Variants in PPFIA3 observed in about 807,000 individuals in gnomAD.
The protein encoded by PPFIA3 is liprin-alpha-3.
PPFIA3 carries 26 observed loss-of-function variants against 145.8 expected under a neutral mutation model. The observed-to-expected ratio is 0.18, with a 90% CI of 0.13 to 0.25. PPFIA3 has a LOEUF of 0.25. PPFIA3 is among the 10% of genes least tolerant of loss of function. The pLI, the probability that PPFIA3 is intolerant of heterozygous loss-of-function variation, is 1.00. For missense variants in PPFIA3, 1,008 were observed against 1,587.8 expected, an observed-to-expected ratio of 0.63 and a Z score of 6.21; for synonymous variants, 645 against 661.4, an observed-to-expected ratio of 0.98 and a Z score of 0.38.
Position 49,136,902 on chromosome 19 carries a change from A to C in PPFIA3, c.1844A>C (p.Lys615Thr). 6.5e-7 allele frequency: 1 copy of C among 1,548,370 alleles called. No individual in the cohort carries two copies. Among genetic ancestry groups the C allele is most frequent in the Non-Finnish European group, 8.7e-7 (1 of 1,143,966 alleles). ...MLQEQLEAIN[K>T]EIKLIQEEKE... ...CAGGAGCAGCTGGAGGCCATCAACAAGGAGATCAAGTGAGCCCTGGCCCCG... is the reference window on the plus strand; with the variant it reads ...CAGGAGCAGCTGGAGGCCATCAACACGGAGATCAAGTGAGCCCTGGCCCCG... The change falls in exon 15 of 30, where the codon AAG becomes ACG. Residue 615 changes from lysine (K) to threonine (T), a missense_variant. Physicochemically the swap from Lys to Thr is moderately conservative, Grantham distance 78 (BLOSUM62 -1). This residue lies in a region of PPFIA3 where 202 missense variants were observed against 241.8 expected (regional missense o/e 0.84). Coordinates refer to ENST00000334186, the MANE Select transcript of PPFIA3 (RefSeq NM_003660.4).
In PPFIA3 at chr19:49,133,720, G is replaced by T. The variant is rs2041103516; in HGVS notation, c.1162-76G>T. On this transcript the variant is annotated intron_variant, in intron 9 of 29. Coordinates refer to ENST00000334186, the MANE Select transcript of PPFIA3 (RefSeq NM_003660.4). The surrounding 1 kb of genome is among the most constrained non-coding windows in gnomAD (Gnocchi z 7.2). Reference sequence around the variant, plus strand: ...CTGTGGGGGCGGAGCCTGGCGCTCAGCCTTGGAGGAGGTGGGGCTGGGAGC... The same window carrying T: ...CTGTGGGGGCGGAGCCTGGCGCTCATCCTTGGAGGAGGTGGGGCTGGGAGC... 1.0e-5 allele frequency: 15 copies of T among 1,477,762 alleles called. No homozygotes were observed. The highest frequency in any genetic ancestry group is 1.3e-5 in the Non-Finnish European group (14 of 1,068,250). 91.5% of individuals were successfully genotyped at this position (1,477,762 alleles called of 1,614,324 possible). A position where few individuals can be genotyped will look rare whatever the true frequency, so the allele number is the denominator to read the frequency against.
At chr19:49,125,718 TTG>T (rs2040988487) in intron 1 of PPFIA3, among the ~76,000 whole-genome samples, 1 of 151,994 alleles carries the variant, frequency 6.6e-6, no homozygotes, top group Non-Finnish European at 1.5e-5. Flanking sequence ...GCCCAGACTG[TTG>T]TCTCTTAGGG....
rs771269783 is a variant in PPFIA3 at position 49,134,105 on chromosome 19, C to T, written c.1317C>T (p.Ser439=). 1.2e-6 allele frequency: 2 copies of T among 1,613,858 alleles called. No homozygotes were observed. The highest frequency in any genetic ancestry group is 8.5e-7 in the Non-Finnish European group (1 of 1,179,908). ...CCGAGACGGTGGACAAGCTGCTGAG[C>T]GAGTCCAACGAGCGCTTACAGCTTC... The part of the protein sequence containing the change: ...RLSETVDKLL[S]ESNERLQLHL... The change falls in exon 11 of 30, where the codon AGC becomes AGT. Residue 439 remains serine (S), a synonymous_variant. Coordinates refer to ENST00000334186, the MANE Select transcript of PPFIA3 (RefSeq NM_003660.4).
In PPFIA3 at chr19:49,141,589, T is replaced by TGTGG. The variant is rs2041223582; in HGVS notation, c.2462+79_2462+80insGGTG. 2.6e-6 allele frequency: 3 copies of TGTGG among 1,152,888 alleles called. No individual in the cohort carries two copies. The African/African-American group carries it at 5.3e-5, about 20-fold the overall frequency. 71.4% of individuals were successfully genotyped at this position (1,152,888 alleles called of 1,614,324 possible). Reference sequence around the variant, plus strand: ...GTGTGAGGGTGTGTGTGTGCGTGTATGTGTGTGTATGAGTGTGTGTGTGTG... The same window carrying TGTGG: ...GTGTGAGGGTGTGTGTGTGCGTGTATGTGGGTGTGTGTATGAGTGTGTGTGTGTG... On this transcript the variant is annotated intron_variant, in intron 19 of 29. Transcript: ENST00000334186.
chr19:49,126,649 G>A (rs1438789192), intron 1 of PPFIA3, among the ~76,000 whole-genome samples: 1 of 151,454 alleles, frequency 6.6e-6, no homozygotes, highest in Non-Finnish European at 1.5e-5. Flanking sequence ...GAAATTGAAG[G>A]AGGCAGGAGT....
At chr19:49,129,595 T>C (rs2041044825) in intron 5 of PPFIA3, 141 bp downstream of exon 5, 2 of 898,294 alleles carry the variant, frequency 2.2e-6, no homozygotes, top group Admixed American at 4.9e-5. Context: ...GGTTGGACTA[T>C]GGAGAGAAAC....
chr19:49,149,917 G>A lies in PPFIA3; in HGVS notation c.3527-163G>A. On this transcript the variant is annotated intron_variant, in intron 28 of 29. Coordinates refer to ENST00000334186, the MANE Select transcript of PPFIA3 (RefSeq NM_003660.4). This position sits in a 1 kb window ranked among gnomAD's most constrained non-coding sequence, Gnocchi z 5.7. ...CCCTTCCCAGGGCGGGAGTGAACTCGCCCAATGCGAGTTTGAGTCCTTGGC... is the reference window on the plus strand; with the variant it reads ...CCCTTCCCAGGGCGGGAGTGAACTCACCCAATGCGAGTTTGAGTCCTTGGC... 2 of 1,127,458 alleles carry A rather than the reference G, an allele frequency of 1.8e-6. No homozygotes were observed. The highest frequency in any genetic ancestry group is 5.2e-5 in the East Asian group (2 of 38,704). The allele number at this position is 1,127,458 out of a possible 1,614,324, so 69.8% of individuals were successfully genotyped here.
At chr19:49,138,089 C>G (rs2041163035) in intron 15 of PPFIA3, 116 bp from the exon 16 acceptor site, 5 of 1,408,540 alleles carry the variant, frequency 3.5e-6, no homozygotes, top group Non-Finnish European at 4.6e-6. Context: ...CGTCATTGCA[C>G]CGTCCCCAGA....
intron 20 of PPFIA3, 34 bp from the exon 21 acceptor site, chr19:49,142,770 C>A: frequency 6.3e-7 from 1 of 1,596,848 alleles, no homozygotes; most frequent in Non-Finnish European, 8.6e-7. Flanking sequence ...CTCTGTCCCT[C>A]TGTCCCCTCT....
chr19:49,129,924 A>G (rs2041048206), intron 5 of PPFIA3, 69 bp from the exon 6 acceptor site: 1 of 1,542,486 alleles, frequency 6.5e-7, no homozygotes. Flanking sequence ...TAGAGGGCCA[A>G]TGCCAGTGAG....
intron 5 of PPFIA3, 23 bp downstream of exon 5, chr19:49,129,477 G>A (rs1432355759): frequency 6.4e-7 from 1 of 1,551,004 alleles, no homozygotes; most frequent in Non-Finnish European, 8.7e-7. Flanking sequence ...CCAAGACAGG[G>A]AATTTGAATC....
At position 49,146,048 on chromosome 19, in the gene PPFIA3, T is replaced by C. The variant is rs199811588; in HGVS notation, c.2808+43T>C. On this transcript the variant is annotated intron_variant, in intron 22 of 29. Transcript: ENST00000334186. Reference sequence around the variant, plus strand: ...GCCGCCTTGGGGGTGGCACTAACCTTCTTTGGGGGTGGGGGCGGGGACCGA... The same window carrying C: ...GCCGCCTTGGGGGTGGCACTAACCTCCTTTGGGGGTGGGGGCGGGGACCGA... The C allele has an allele frequency of 8.3e-3, 13,384 of 1,607,798 alleles. 73 individuals carry two copies. The highest frequency in any genetic ancestry group is 0.01 in the Non-Finnish European group (12,022 of 1,175,288).
At position 49,128,269 on chromosome 19, in the gene PPFIA3, G is replaced by A; in HGVS notation, c.241-98G>A. On this transcript the variant is annotated intron_variant, in intron 2 of 29. Transcript: ENST00000334186. The surrounding 1 kb of genome is among the most constrained non-coding windows in gnomAD (Gnocchi z 4.1). ...GAGTGGCAAGGGACAGCGGGACTTA[G>A]CAGGGAGGGCGGGACCTTCAAACTT... The A allele has an allele frequency of 6.6e-7, 1 of 1,514,138 alleles. No homozygotes were observed. The highest frequency in any genetic ancestry group is 9.1e-7 in the Non-Finnish European group (1 of 1,095,080). The allele number at this position is 1,514,138 out of a possible 1,614,324, so 93.8% of individuals were successfully genotyped here.
chr19:49,142,753 T>C, intron 20 of PPFIA3, 51 bp from the exon 21 acceptor site: 1 of 1,559,678 alleles, frequency 6.4e-7, no homozygotes, highest in Non-Finnish European at 8.8e-7. Flanking sequence ...TCTCCGATTT[T>C]CTCCTCCTCT....
chr19:49,122,737 C>T (rs966059125), intron 1 of PPFIA3, among the ~76,000 whole-genome samples: 234 of 76,332 alleles, frequency 3.1e-3, no homozygotes, highest in African/African-American at 8.8e-3. Context: ...TTTTTTTTGG[C>T]GGGGGATGGA....
At chr19:49,127,080 CAAAAA>C (rs11304397) in intron 1 of PPFIA3, among the ~76,000 whole-genome samples, 1 of 69,862 alleles carries the variant, frequency 1.4e-5, no homozygotes, top group Non-Finnish European at 2.6e-5. Flanking sequence ...CTCATCTCCA[CAAAAA>C]AAAAAAAAAA....
Position 49,130,276 on chromosome 19 carries a change from A to G in PPFIA3, c.658-102A>G, listed in dbSNP as rs2041052320. 1 of 1,276,756 alleles carries G rather than the reference A, an allele frequency of 7.8e-7. No homozygotes were observed. Among genetic ancestry groups the G allele is most frequent in the African/African-American group, 1.5e-5 (1 of 67,182 alleles). 79.1% of individuals were successfully genotyped at this position (1,276,756 alleles called of 1,614,324 possible). A position where few individuals can be genotyped will look rare whatever the true frequency, so the allele number is the denominator to read the frequency against. On this transcript the variant is annotated intron_variant, in intron 6 of 29. Coordinates refer to ENST00000334186, the MANE Select transcript of PPFIA3 (RefSeq NM_003660.4). This position sits in a 1 kb window ranked among gnomAD's most constrained non-coding sequence, Gnocchi z 4.5. ...GTGGACTCTGACCAGCATGATCCTT[A>G]TTGATCTTTGATCTACTTTCAGCTG...
intron 18 of PPFIA3, among the ~76,000 whole-genome samples, chr19:49,140,374 G>A: frequency 6.6e-6 from 1 of 151,948 alleles, no homozygotes; most frequent in Non-Finnish European, 1.5e-5. Flanking sequence ...TTGAGATGGA[G>A]TTTCACTCTG....
At position 49,136,817 on chromosome 19, in the gene PPFIA3, G is replaced by A; in HGVS notation, c.1759G>A (p.Gly587Arg). The A allele has an allele frequency of 6.3e-7, 1 of 1,592,024 alleles. No individual in the cohort carries two copies. Among genetic ancestry groups the A allele is most frequent in the Non-Finnish European group, 8.6e-7 (1 of 1,169,414 alleles). The change falls in exon 15 of 30, where the codon GGG becomes AGG. Residue 587 changes from glycine (G) to arginine (R), a missense_variant. Coordinates refer to ENST00000334186, the MANE Select transcript of PPFIA3 (RefSeq NM_003660.4). ...TGAGGAGGAGGCAGAGGGGATGTTT[G>A]GGGCCGAGCTGCTGTCCCCCAGTGG... ...SDEEEAEGMF[G>R]AELLSPSGQA...
Sources: gnomAD v4.1 joint callset for allele counts (sites outside exome capture counted in the v4.1 genomes callset) on GRCh38, gnomAD v4.1.1 for gene constraint, gnomAD v4.1.1 regional missense constraint, Gnocchi (gnomAD v3.1) non-coding constraint, MANE v1.5 for transcripts, NCBI Gene and HGNC (gene_info 2026-07-23, HGNC 2026-07-21) for gene names.